Variants in THSD7A observed in about 807,000 individuals in gnomAD.
The protein encoded by THSD7A is thrombospondin type 1 domain containing 7A.
THSD7A carries 96 observed loss-of-function variants against 231.3 expected under a neutral mutation model. The ratio of observed to expected loss-of-function variants is 0.41; its 90% CI spans 0.35 to 0.49. THSD7A has a LOEUF of 0.49. THSD7A is among the 20% of genes least tolerant of loss of function. THSD7A has a pLI of 0.05. For synonymous variants in THSD7A, 940 were observed against 743.3 expected (o/e 1.26, Z -4.30); for missense variants, 2,290 against 2,070.2 (o/e 1.11, Z -2.06).
rs1331459792 is a variant in THSD7A at position 11,377,749 on chromosome 7, T to C, written c.4802-1092A>G. 1.3e-5 allele frequency: 2 copies of C among 152,028 alleles called. No individual in the cohort carries two copies. The highest frequency in any genetic ancestry group is 4.8e-5 in the African/African-American group (2 of 41,410). 9.4% of individuals were successfully genotyped at this position (152,028 alleles called of 1,614,324 possible). A position where few individuals can be genotyped will look rare whatever the true frequency, so the allele number is the denominator to read the frequency against. On this transcript the variant is annotated intron_variant, in intron 26 of 27. Coordinates refer to ENST00000423059, the MANE Select transcript of THSD7A (RefSeq NM_015204.3). The surrounding 1 kb of genome is among the most constrained non-coding windows in gnomAD (Gnocchi z 4.5). ...TTTCTTCAACAAATGTTTTTTGGGGTTTTTCAAAATCAAAGAATATCTAAG... is the reference window on the plus strand; with the variant it reads ...TTTCTTCAACAAATGTTTTTTGGGGCTTTTCAAAATCAAAGAATATCTAAG...
At chr7:11,680,215 G>T (rs1027008443) in intron 1 of THSD7A, among the ~76,000 whole-genome samples, 2 of 152,040 alleles carry the variant, frequency 1.3e-5, no homozygotes. Context: ...ATGGATTAAG[G>T]ACTTCAACAT....
chr7:11,778,079 C>T (rs1370087162), intron 1 of THSD7A, among the ~76,000 whole-genome samples: 2 of 137,188 alleles, frequency 1.5e-5, no homozygotes, highest in African/African-American at 5.4e-5. Context: ...ATGGCGTGAA[C>T]CCGGGAGGCG....
intron 6 of THSD7A, among the ~76,000 whole-genome samples, chr7:11,540,213 C>G (rs1342181722): frequency 6.6e-6 from 1 of 152,148 alleles, no homozygotes; most frequent in East Asian, 1.9e-4. Context: ...AGATCTGGAG[C>G]AATGATCTCC....
intron 1 of THSD7A, among the ~76,000 whole-genome samples, chr7:11,691,421 G>A (rs1035067208): frequency 6.6e-6 from 1 of 151,436 alleles, no homozygotes; most frequent in African/African-American, 2.4e-5. Context: ...ACTTCTTGAT[G>A]AAATAAGAGT....
chr7:11,704,370 G>T (rs191669733), intron 1 of THSD7A, among the ~76,000 whole-genome samples: 2 of 150,914 alleles, frequency 1.3e-5, no homozygotes, highest in East Asian at 3.9e-4. Flanking sequence ...TACTTTGATG[G>T]AATTATAATG....
chr7:11,474,810 G>A lies in THSD7A; in HGVS notation c.2018-242C>T, dbSNP rs1168300374. 6.6e-6 allele frequency among the ~76,000 whole-genome samples: 1 copy of A among 152,070 alleles called. No individual in the cohort carries two copies. Among genetic ancestry groups the A allele is most frequent in the Non-Finnish European group, 1.5e-5 (1 of 68,008 alleles). ...TAGGGAAAAGTAGTAGGGGAGATAA[G>A]GATACAAATGAGTATAATTCTAGAT... On this transcript the variant is annotated intron_variant, in intron 7 of 27. Coordinates refer to ENST00000423059, the MANE Select transcript of THSD7A (RefSeq NM_015204.3). The surrounding 1 kb of genome is among the most constrained non-coding windows in gnomAD (Gnocchi z 4.1).
At chr7:11,458,602 A>C (rs1177179872) in intron 11 of THSD7A, among the ~76,000 whole-genome samples, 3 of 152,150 alleles carry the variant, frequency 2.0e-5, no homozygotes, top group African/African-American at 7.2e-5. Context: ...ATGTAAGTAC[A>C]GGCAGAGAAA....
chr7:11,645,127 T>G (rs1006945116), intron 1 of THSD7A, among the ~76,000 whole-genome samples: 3 of 151,908 alleles, frequency 2.0e-5, no homozygotes, highest in Non-Finnish European at 4.4e-5. Context: ...AATATTTTCT[T>G]TTGTTAATTT....
intron 13 of THSD7A, among the ~76,000 whole-genome samples, chr7:11,431,113 G>T (rs1417741270): frequency 6.6e-6 from 1 of 152,152 alleles, no homozygotes; most frequent in African/African-American, 2.4e-5. Context: ...CACCAGATAT[G>T]CACGCATGTT....
In THSD7A at chr7:11,490,090, T is replaced by C. The variant is rs940230923; in HGVS notation, c.1823-8108A>G. Among the ~76,000 whole-genome samples the C allele has an allele frequency of 5.9e-5, 9 of 152,202 alleles. 1 individual carries two copies. The highest frequency in any genetic ancestry group is 2.6e-4 in the Admixed American group (4 of 15,254). The stretch of plus-strand genomic sequence containing the variant: ...GTTTCTGTTCATATATTTATGTTCA[T>C]ATTTTTCCTTCATGACCCTAGCAAA... On this transcript the variant is annotated intron_variant, in intron 6 of 27. Transcript: ENST00000423059.
chr7:11,725,817 T>C (rs1366430364), intron 1 of THSD7A, among the ~76,000 whole-genome samples: 1 of 151,988 alleles, frequency 6.6e-6, no homozygotes, highest in Non-Finnish European at 1.5e-5. Context: ...GTTTCTTTAC[T>C]GGGACTCCTA....
Position 11,424,715 on chromosome 7 carries a change from C to T in THSD7A, c.3364G>A (p.Val1122Met), listed in dbSNP as rs758123945. 2.6e-5 allele frequency: 42 copies of T among 1,613,824 alleles called. No homozygotes were observed. Among genetic ancestry groups the T allele is most frequent in the Admixed American group, 1.7e-4 (10 of 60,006 alleles). ...TCTTACCTCACTTTTCGGGTTTGCA[C>T]GCCCTCTCCACAGTTCTCCCGCATA... ...VNMRENCGEG[V>M]QTRKVRCMQN... Residue 1122 changes from valine to methionine, a missense_variant, in exon 16 of 28, where the codon GTG becomes ATG. Coordinates refer to ENST00000423059, the MANE Select transcript of THSD7A (RefSeq NM_015204.3).
rs1408724520 is a variant in THSD7A at position 11,632,456 on chromosome 7, G to T, written c.1022+3674C>A. The stretch of plus-strand genomic sequence containing the variant: ...TATATTTGTGTACATCAACCTTATT[G>T]ATTTTTTTATTGTTTATATTTTCAA... On this transcript the variant is annotated intron_variant, in intron 2 of 27. Coordinates refer to ENST00000423059, the MANE Select transcript of THSD7A (RefSeq NM_015204.3). This position sits in a 1 kb window ranked among gnomAD's most constrained non-coding sequence, Gnocchi z 4.1. Among the ~76,000 whole-genome samples the T allele has an allele frequency of 6.6e-6, 1 of 151,972 alleles. No homozygotes were observed. Among genetic ancestry groups the T allele is most frequent in the Non-Finnish European group, 1.5e-5 (1 of 67,960 alleles).
intron 6 of THSD7A, among the ~76,000 whole-genome samples, chr7:11,509,867 T>C (rs1257483052): frequency 1.5e-5 from 2 of 135,444 alleles, no homozygotes; most frequent in Non-Finnish European, 3.3e-5. Flanking sequence ...ATAAGTTAAA[T>C]GACATATTAA....
intron 23 of THSD7A, among the ~76,000 whole-genome samples, chr7:11,394,176 A>C (rs1325696043): frequency 6.6e-6 from 1 of 152,264 alleles, no homozygotes; most frequent in African/African-American, 2.4e-5. Flanking sequence ...CCCTCTGCAG[A>C]AATCCTACGA....
intron 11 of THSD7A, among the ~76,000 whole-genome samples, chr7:11,455,679 A>AT (rs927865177): frequency 2.4e-4 from 36 of 152,078 alleles, no homozygotes; most frequent in Non-Finnish European, 4.4e-5. Flanking sequence ...TAAAATATAG[A>AT]TTTTATCAAG....
At chr7:11,458,543 C>G (rs1448839257) in intron 11 of THSD7A, among the ~76,000 whole-genome samples, 1 of 151,994 alleles carries the variant, frequency 6.6e-6, no homozygotes, top group Non-Finnish European at 1.5e-5. Context: ...GATAAGATTG[C>G]TGAGGTACAG....
At chr7:11,718,093 A>C (rs1781205250) in intron 1 of THSD7A, among the ~76,000 whole-genome samples, 1 of 151,678 alleles carries the variant, frequency 6.6e-6, no homozygotes, top group Non-Finnish European at 1.5e-5. Flanking sequence ...ATTTCTCTGG[A>C]CCAGACCCTA....
At chr7:11,693,624 G>A (rs1315730663) in intron 1 of THSD7A, among the ~76,000 whole-genome samples, 1 of 151,438 alleles carries the variant, frequency 6.6e-6, no homozygotes, top group African/African-American at 2.4e-5. Flanking sequence ...TGGGCTTCGT[G>A]TCAGATAATT....
Sources: gnomAD v4.1 joint callset for allele counts (sites outside exome capture counted in the v4.1 genomes callset) on GRCh38, gnomAD v4.1.1 for gene constraint, Gnocchi (gnomAD v3.1) non-coding constraint, MANE v1.5 for transcripts, NCBI Gene and HGNC (gene_info 2026-07-23, HGNC 2026-07-21) for gene names.